The following SH3PXD2B variants were observed in gnomAD, a reference collection of about 807,000 sequenced individuals.
SH3PXD2B encodes SH3 and PX domains 2B.
SH3PXD2B carries 37 observed loss-of-function variants against 73.1 expected under a neutral mutation model. That is an observed-to-expected ratio of 0.51 (90% CI 0.39 to 0.67). The LOEUF (loss-of-function observed/expected upper bound fraction) is 0.67. Among genes scored for constraint, SH3PXD2B ranks in the 30% least tolerant of loss-of-function variants. The probability of loss-of-function intolerance (pLI) is 0.00; values close to 1 mark genes in which losing one functional copy is unlikely to be tolerated. For missense variants in SH3PXD2B, 1,053 were observed against 1,197.8 expected, an observed-to-expected ratio of 0.88 and a Z score of 1.78; for synonymous variants, 457 against 480.5, an observed-to-expected ratio of 0.95 and a Z score of 0.64.
chr5:172,361,532 C>A (rs2731708), intron 7 of SH3PXD2B, among the ~76,000 whole-genome samples: 1 of 151,934 alleles, frequency 6.6e-6, no homozygotes, highest in Non-Finnish European at 1.5e-5. Flanking sequence ...TGACTTCCTG[C>A]AAGCTGGGGG....
At chr5:172,366,931 C>CTTTTTTTTTTTTTT (rs1226783777) in intron 6 of SH3PXD2B, among the ~76,000 whole-genome samples, 1 of 69,686 alleles carries the variant, frequency 1.4e-5, no homozygotes, top group African/African-American at 5.9e-5. Context: ...CGTGCCCGGC[C>CTTTTTTTTTTTTTT]ATTTTTTTTT....
chr5:172,422,345 G>T, intron 2 of SH3PXD2B, 71 bp downstream of exon 2: 1 of 1,373,058 alleles, frequency 7.3e-7, no homozygotes, highest in Non-Finnish European at 1.0e-6. Flanking sequence ...GGACTCTAAA[G>T]CTGTAGTGGA....
Position 172,353,041 on chromosome 5 carries a change from TTA to T in SH3PXD2B, c.785+845_785+846del, listed in dbSNP as rs1281044112. On this transcript the variant is annotated intron_variant, in intron 9 of 12. Transcript: ENST00000311601. This position sits in a 1 kb window ranked among gnomAD's most constrained non-coding sequence, Gnocchi z 4.3. ...GGCCAACCCTCTGCTCTATCACCGT[TTA>T]TGAGTTTGTCTTCTGTACCAGGTGG... Among the ~76,000 whole-genome samples, 1 of 152,122 alleles carries T rather than the reference TTA, an allele frequency of 6.6e-6. No homozygotes were observed. Among genetic ancestry groups the T allele is most frequent in the East Asian group, 1.9e-4 (1 of 5,192 alleles).
chr5:172,334,295 C>T lies in SH3PXD2B; in HGVS notation c.*4074G>A. On this transcript the variant is annotated 3_prime_UTR_variant, in exon 13 of 13. Transcript: ENST00000311601. ...GCAAGGACTGTGGAGCCTCCGGTTC[C>T]AGCTCTGCAGCTCTGCCTGGGACCC... The T allele has an allele frequency of 1.0e-6, 1 of 999,360 alleles. No individual in the cohort carries two copies. The highest frequency in any genetic ancestry group is 1.2e-6 in the Non-Finnish European group (1 of 840,496). The allele number at this position is 999,360 out of a possible 1,614,324, so 61.9% of individuals were successfully genotyped here. A position where few individuals can be genotyped will look rare whatever the true frequency, so the allele number is the denominator to read the frequency against.
chr5:172,438,653 G>A (rs1397786658), intron 1 of SH3PXD2B, among the ~76,000 whole-genome samples: 4 of 152,130 alleles, frequency 2.6e-5, no homozygotes, highest in Non-Finnish European at 4.4e-5. Flanking sequence ...GGAAGTCCAC[G>A]TTCCACCCCA....
rs185769302 is a variant in SH3PXD2B at position 172,452,607 on chromosome 5, G to T, written c.75+1671C>A. On this transcript the variant is annotated intron_variant, in intron 1 of 12. Coordinates refer to ENST00000311601, the MANE Select transcript of SH3PXD2B (RefSeq NM_001017995.3). ...TTAAGGCCCTCTGCCTGATATGGGC[G>T]TGATAGGAGAGGCCAGAAGAGGGCG... Among the ~76,000 whole-genome samples the T allele has an allele frequency of 6.3e-4, 96 of 152,222 alleles. 1 individual carries two copies. Among genetic ancestry groups the T allele is most frequent in the African/African-American group, 2.2e-3 (92 of 41,536 alleles).
At chr5:172,398,374 G>C (rs550599243) in intron 3 of SH3PXD2B, among the ~76,000 whole-genome samples, 1 of 152,178 alleles carries the variant, frequency 6.6e-6, no homozygotes, top group Non-Finnish European at 1.5e-5. Context: ...TCAATGGAAA[G>C]TACTTCCTCA....
intron 2 of SH3PXD2B, among the ~76,000 whole-genome samples, chr5:172,408,710 G>A (rs6869119): frequency 0.06 from 9,165 of 151,608 alleles, 417 homozygotes; most frequent in African/African-American, 0.13. Flanking sequence ...TTTTAGTAGA[G>A]ACGGGGTTTT....
intron 5 of SH3PXD2B, among the ~76,000 whole-genome samples, chr5:172,375,309 G>A (rs955355904): frequency 1.3e-5 from 2 of 152,128 alleles, no homozygotes; most frequent in Non-Finnish European, 2.9e-5. Flanking sequence ...GCAGTGAGCC[G>A]AGATCATGCC....
At chr5:172,402,484 T>C (rs1048080931) in intron 3 of SH3PXD2B, among the ~76,000 whole-genome samples, 2 of 152,124 alleles carry the variant, frequency 1.3e-5, no homozygotes, top group Admixed American at 6.5e-5. Flanking sequence ...CTTTTGAAAA[T>C]CACTAATAAA....
At chr5:172,329,465 C>T (rs1335020556), downstream of SH3PXD2B, among the ~76,000 whole-genome samples, 1 of 151,482 alleles carries the variant, frequency 6.6e-6, no homozygotes, top group Non-Finnish European at 1.5e-5. Flanking sequence ...GTATTGGAGG[C>T]CAAGTTTCAC....
intron 7 of SH3PXD2B, among the ~76,000 whole-genome samples, chr5:172,359,215 T>C (rs1037741669): frequency 5.3e-5 from 8 of 151,834 alleles, no homozygotes; most frequent in Admixed American, 1.3e-4. Flanking sequence ...GACAAAACCC[T>C]GTCTGTACGA....
rs747838457 is a variant in SH3PXD2B, at chr5:172,454,368, C to G, written c.-16G>C. ...GCGGCGGCATGGCCGCTCCTCCGCC[C>G]GCAGCGGGCCGAGCGCGGGTGCGGG... On this transcript the variant is annotated 5_prime_UTR_variant, in exon 1 of 13. Transcript: ENST00000311601. 6.8e-6 allele frequency: 10 copies of G among 1,465,960 alleles called. No individual in the cohort carries two copies. Among genetic ancestry groups the G allele is most frequent in the African/African-American group, 1.5e-5 (1 of 68,484 alleles). The allele number at this position is 1,465,960 out of a possible 1,614,324, so 90.8% of individuals were successfully genotyped here.
chr5:172,333,542 A>T lies in SH3PXD2B; in HGVS notation c.*4827T>A, dbSNP rs3204110. 0.52 allele frequency: 504,042 copies of T among 974,356 alleles called. 90,335 individuals carry two copies. The highest frequency in any genetic ancestry group is 0.63 in the South Asian group (31,312 of 49,336). The allele number at this position is 974,356 out of a possible 1,614,324, so 60.4% of individuals were successfully genotyped here. A position where few individuals can be genotyped will look rare whatever the true frequency, so the allele number is the denominator to read the frequency against. ...ACCAGTCAAGCACTTTTTTTATTTA[A>T]AAAAAAAAAAAGGAAAGAAGTCAAA... On this transcript the variant is annotated 3_prime_UTR_variant, in exon 13 of 13. Coordinates refer to ENST00000311601, the MANE Select transcript of SH3PXD2B (RefSeq NM_001017995.3).
chr5:172,354,045 C>A (rs1561900031), intron 8 of SH3PXD2B, 40 bp from the exon 9 acceptor site: 1 of 1,577,380 alleles, frequency 6.3e-7, no homozygotes, highest in Non-Finnish European at 8.7e-7. Flanking sequence ...AAGAGGACAC[C>A]AAGAGGCTTG....
At chr5:172,419,152 A>G (rs1758893195) in intron 2 of SH3PXD2B, among the ~76,000 whole-genome samples, 1 of 152,182 alleles carries the variant, frequency 6.6e-6, no homozygotes, top group South Asian at 2.1e-4. Context: ...TGAACAGGCA[A>G]AGCTGAGATT....
intron 1 of SH3PXD2B, among the ~76,000 whole-genome samples, chr5:172,425,490 T>C (rs1561935941): frequency 6.6e-6 from 1 of 151,962 alleles, no homozygotes; most frequent in Non-Finnish European, 1.5e-5. Flanking sequence ...GGTGAGGAGC[T>C]GGTCGAGAGC....
chr5:172,397,603 A>G (rs1758332753), intron 3 of SH3PXD2B, among the ~76,000 whole-genome samples: 1 of 152,128 alleles, frequency 6.6e-6, no homozygotes, highest in Non-Finnish European at 1.5e-5. Flanking sequence ...TTTATTTCTC[A>G]GACTGGCCGA....
rs1756648649 is a variant in SH3PXD2B at position 172,334,814 on chromosome 5, C to A, written c.*3555G>T. ...TTCTCAAGTCCTGGCACACTCAGCA[C>A]TTGCTCTTTAACGTGGCATATGTTC... is the stretch of plus-strand genomic sequence containing the variant. On this transcript the variant is annotated 3_prime_UTR_variant, in exon 13 of 13. Coordinates refer to ENST00000311601, the MANE Select transcript of SH3PXD2B (RefSeq NM_001017995.3). 1.0e-6 allele frequency: 1 copy of A among 985,360 alleles called. No individual in the cohort carries two copies. Among genetic ancestry groups the A allele is most frequent in the South Asian group, 4.7e-5 (1 of 21,288 alleles). 61.0% of individuals were successfully genotyped at this position (985,360 alleles called of 1,614,324 possible).
Sources: gnomAD v4.1 joint callset for allele counts (sites outside exome capture counted in the v4.1 genomes callset) on GRCh38, gnomAD v4.1.1 for gene constraint, Gnocchi (gnomAD v3.1) non-coding constraint, MANE v1.5 for transcripts, NCBI Gene and HGNC (gene_info 2026-07-23, HGNC 2026-07-21) for gene names.